MMP16: variants seen among roughly 807,000 people sequenced by gnomAD.
The protein encoded by MMP16 is matrix metalloproteinase-16.
Under a neutral mutation model 67.8 loss-of-function variants are expected in MMP16, and 12 were observed. The ratio of observed to expected loss-of-function variants is 0.18; its 90% CI spans 0.11 to 0.29. MMP16 has a LOEUF of 0.29. MMP16 is among the 10% of genes least tolerant of loss of function. MMP16 has a pLI of 1.00. For synonymous variants in MMP16, 249 were observed against 255.9 expected, an observed-to-expected ratio of 0.97 and a Z score of 0.26; for missense variants, 475 against 765.7, an observed-to-expected ratio of 0.62 and a Z score of 4.48.
At chr8:88,289,184 C>T (rs1483733470) in intron 1 of MMP16, among the ~76,000 whole-genome samples, 4 of 151,740 alleles carry the variant, frequency 2.6e-5, no homozygotes, top group Admixed American at 2.6e-4. Flanking sequence ...AGTGTGAGCG[C>T]GAGACTGCAG....
At chr8:88,123,081 T>C (rs1260214166) in intron 4 of MMP16, among the ~76,000 whole-genome samples, 1 of 151,934 alleles carries the variant, frequency 6.6e-6, no homozygotes, top group Non-Finnish European at 1.5e-5. Flanking sequence ...TGTGAGATAA[T>C]AAATTGTTGT....
intron 3 of MMP16, among the ~76,000 whole-genome samples, chr8:88,182,415 A>G (rs1434417204): frequency 6.6e-6 from 1 of 152,154 alleles, no homozygotes; most frequent in African/African-American, 2.4e-5. Context: ...ATTGCAAATT[A>G]AAACAATCTA....
At chr8:88,066,933 T>G (rs1808470809) in intron 7 of MMP16, among the ~76,000 whole-genome samples, 1 of 151,948 alleles carries the variant, frequency 6.6e-6, no homozygotes, top group Non-Finnish European at 1.5e-5. Flanking sequence ...AAAATAACAG[T>G]GACAAAATTA....
At chr8:88,155,171 T>G (rs1204676811) in intron 4 of MMP16, among the ~76,000 whole-genome samples, 2 of 152,076 alleles carry the variant, frequency 1.3e-5, no homozygotes, top group East Asian at 3.9e-4. Context: ...TACTACTAAA[T>G]CACAGTAAGT....
intron 1 of MMP16, among the ~76,000 whole-genome samples, chr8:88,274,436 G>A (rs977421898): frequency 1.3e-5 from 2 of 151,772 alleles, no homozygotes; most frequent in Admixed American, 6.6e-5. Context: ...CCTTTAATAC[G>A]TAAGTCCACA....
chr8:88,166,013 ATTTTGG>A (rs1808705014), intron 4 of MMP16, among the ~76,000 whole-genome samples: 3 of 152,086 alleles, frequency 2.0e-5, no homozygotes, highest in Non-Finnish European at 4.4e-5. Context: ...ACTTTATTTT[ATTTTGG>A]AAAACATGAA....
chr8:88,236,714 A>C (rs980440342), intron 1 of MMP16, among the ~76,000 whole-genome samples: 2 of 151,998 alleles, frequency 1.3e-5, no homozygotes, highest in Non-Finnish European at 2.9e-5. Flanking sequence ...GCACCACTGC[A>C]CTCCAGCCTG....
rs1317743120 is a variant in MMP16 at position 88,058,195 on chromosome 8, A to T, written c.1223-1917T>A. On this transcript the variant is annotated intron_variant, in intron 7 of 9. Coordinates refer to ENST00000286614, the MANE Select transcript of MMP16 (RefSeq NM_005941.5). This position sits in a 1 kb window ranked among gnomAD's most constrained non-coding sequence, Gnocchi z 4.2. ...AAGTATAAAATCTTTGCAAATCAAC[A>T]TAATGAGTTGGAATCTTACTTAGAG... Among the ~76,000 whole-genome samples the T allele has an allele frequency of 1.3e-5, 2 of 152,142 alleles. No homozygotes were observed. The highest frequency in any genetic ancestry group is 1.3e-4 in the Admixed American group (2 of 15,254).
At chr8:88,200,245 G>C (rs981117181) in intron 1 of MMP16, among the ~76,000 whole-genome samples, 1 of 151,982 alleles carries the variant, frequency 6.6e-6, no homozygotes, top group Non-Finnish European at 1.5e-5. Flanking sequence ...TAAGGAAGGT[G>C]TGATACATTT....
intron 4 of MMP16, among the ~76,000 whole-genome samples, chr8:88,164,017 A>T (rs1186721672): frequency 6.6e-6 from 1 of 152,108 alleles, no homozygotes; most frequent in Non-Finnish European, 1.5e-5. Flanking sequence ...GAATTTTCAA[A>T]AGGTATGACT....
intron 8 of MMP16, among the ~76,000 whole-genome samples, chr8:88,049,902 T>G (rs554594049): frequency 5.3e-5 from 8 of 152,170 alleles, no homozygotes; most frequent in African/African-American, 1.7e-4. Flanking sequence ...GTGCACACCT[T>G]TAGTTCCAGC....
intron 1 of MMP16, among the ~76,000 whole-genome samples, chr8:88,220,083 G>A (rs1809654441): frequency 6.6e-6 from 1 of 151,980 alleles, no homozygotes; most frequent in Admixed American, 6.6e-5. Context: ...GACATCACAA[G>A]CATTATATCA....
chr8:88,147,493 C>G (rs1375723841), intron 4 of MMP16, among the ~76,000 whole-genome samples: 1 of 151,782 alleles, frequency 6.6e-6, no homozygotes, highest in African/African-American at 2.4e-5. Flanking sequence ...TTTCTTTCTC[C>G]TTATACTTCA....
At chr8:88,290,812 A>G (rs947865035) in intron 1 of MMP16, among the ~76,000 whole-genome samples, 3 of 152,124 alleles carry the variant, frequency 2.0e-5, no homozygotes, top group Non-Finnish European at 2.9e-5. Context: ...TTGATTTGCA[A>G]CCTTTTCTAA....
intron 1 of MMP16, among the ~76,000 whole-genome samples, chr8:88,267,653 G>A (rs1362990639): frequency 6.6e-6 from 1 of 152,182 alleles, no homozygotes; most frequent in Non-Finnish European, 1.5e-5. Context: ...TTAAGAGTTA[G>A]TAGAATTATC....
rs73694237 is a variant in MMP16 at position 88,087,311 on chromosome 8, A to C, written c.1084-12568T>G. Among the ~76,000 whole-genome samples, 527 of 151,812 alleles carry C rather than the reference A, an allele frequency of 3.5e-3. 17 individuals are homozygous for C. The highest frequency in any genetic ancestry group is 0.012 in the African/African-American group (507 of 41,288). ...TTCTTTAAGGTACAATCTAGGCTTC[A>C]CCTCCTCTGGGGATACTTACTTTAA... On this transcript the variant is annotated intron_variant, in intron 6 of 9. Coordinates refer to ENST00000286614, the MANE Select transcript of MMP16 (RefSeq NM_005941.5).
intron 4 of MMP16, among the ~76,000 whole-genome samples, chr8:88,158,166 T>C (rs11993302): frequency 0.45 from 67,628 of 151,772 alleles, 15,242 homozygotes; most frequent in East Asian, 0.48. Flanking sequence ...GCATGATTTA[T>C]AGTCCTTTGG....
intron 4 of MMP16, among the ~76,000 whole-genome samples, chr8:88,157,509 AC>A (rs1281861268): frequency 6.6e-6 from 1 of 151,836 alleles, no homozygotes; most frequent in Admixed American, 6.6e-5. Flanking sequence ...GGATGTTGAC[AC>A]CTGAGGCAAC....
In MMP16 at chr8:88,036,594, C is replaced by G. The variant is rs1808057371; in HGVS notation, c.*4867G>C. Reference sequence around the variant, plus strand: ...AGCCTGTAACTTAACTGCATATGCTCTGGCACCTATTTCCTGTGGTCACAA... The same window carrying G: ...AGCCTGTAACTTAACTGCATATGCTGTGGCACCTATTTCCTGTGGTCACAA... On this transcript the variant is annotated 3_prime_UTR_variant, in exon 10 of 10. Transcript: ENST00000286614. 1 of 151,822 alleles carries G rather than the reference C, an allele frequency of 6.6e-6. No homozygotes were observed. Among genetic ancestry groups the G allele is most frequent in the Admixed American group, 6.6e-5 (1 of 15,188 alleles). 9.4% of individuals were successfully genotyped at this position (151,822 alleles called of 1,614,324 possible). A position where few individuals can be genotyped will look rare whatever the true frequency, so the allele number is the denominator to read the frequency against.
Sources: allele counts gnomAD v4.1 joint callset (sites outside exome capture counted in the v4.1 genomes callset), GRCh38; gene constraint gnomAD v4.1.1; non-coding constraint Gnocchi (gnomAD v3.1); transcripts MANE v1.5; gene names NCBI Gene and HGNC (gene_info 2026-07-23, HGNC 2026-07-21).